ANHX: variants seen among roughly 807,000 people sequenced by gnomAD.
The protein encoded by ANHX is anomalous homeobox.
ANHX carries 20 observed loss-of-function variants against 38.9 expected under a neutral mutation model. The observed-to-expected ratio is 0.51, with a 90% CI of 0.36 to 0.75. ANHX has a LOEUF of 0.75. Among genes scored for constraint, ANHX ranks in the 30% least tolerant of loss-of-function variants. The probability of loss-of-function intolerance (pLI) is 0.00; values close to 1 mark genes in which losing one functional copy is unlikely to be tolerated. For missense variants in ANHX, 475 were observed against 493.1 expected (o/e 0.96, Z 0.35); for synonymous variants, 185 against 203.1 (o/e 0.91, Z 0.76).
intron 4 of ANHX, 25 bp downstream of exon 4, chr12:133,227,799 G>C: frequency 6.5e-7 from 1 of 1,535,126 alleles, no homozygotes; most frequent in Admixed American, 2.0e-5. Context: ...GGACCCCCTG[G>C]GTCCTGGGTA....
intron 8 of ANHX, among the ~76,000 whole-genome samples, chr12:133,220,137 C>T (rs1161658152): frequency 6.6e-6 from 1 of 152,146 alleles, no homozygotes; most frequent in African/African-American, 2.4e-5. Flanking sequence ...ACCTTCATCA[C>T]GGTGGTGGCC....
chr12:133,226,682 G>A (rs968410159), intron 5 of ANHX, among the ~76,000 whole-genome samples: 4 of 152,142 alleles, frequency 2.6e-5, no homozygotes, highest in African/African-American at 4.8e-5. Flanking sequence ...CTGGCCACAC[G>A]ATGCCCTCCT....
rs141778960 is a variant in ANHX at position 133,222,294 on chromosome 12, G to A, written c.1133-942C>T. Among the ~76,000 whole-genome samples, 172 of 152,276 alleles carry A rather than the reference G, an allele frequency of 1.1e-3. 2 individuals carry two copies. Among genetic ancestry groups the A allele is most frequent in the African/African-American group, 3.9e-3 (163 of 41,560 alleles). On this transcript the variant is annotated intron_variant, in intron 7 of 9. Transcript: ENST00000545940. ...AGCCATGAGCACAATGTCCACAGTC[G>A]TGCAGTCAGGACGCAAGTGCAGCCC...
chr12:133,219,023 C>T (rs572531396), intron 9 of ANHX, 52 bp from the exon 10 acceptor site: 1 of 1,468,558 alleles, frequency 6.8e-7, no homozygotes, highest in African/African-American at 1.4e-5. Context: ...AGGCTCAAGA[C>T]CTGCCCTCCC....
At chr12:133,224,962 CAAA>C (rs556045604) in intron 7 of ANHX, among the ~76,000 whole-genome samples, 1 of 87,312 alleles carries the variant, frequency 1.1e-5, no homozygotes. Context: ...GACTCCGTCT[CAAA>C]AAAAAAAAAA....
chr12:133,235,325 C>T (rs559925811), intron 1 of ANHX: 1 of 152,308 alleles, frequency 6.6e-6, no homozygotes, highest in African/African-American at 2.4e-5. Flanking sequence ...GGGTTCCTGC[C>T]ACTTCAGGAA....
In ANHX at chr12:133,227,927, A is replaced by T; in HGVS notation, c.398T>A (p.Leu133His). Reference sequence around the variant, plus strand: ...CCGGCTCTTCAGCCCCTCTGGGCAGAGGGAGGGGGGCGGGGGGTTCCTGGG... The same window carrying T: ...CCGGCTCTTCAGCCCCTCTGGGCAGTGGGAGGGGGGCGGGGGGTTCCTGGG... ...CRKRNPPPPS[L>H]CPEGLKSRNF... Residue 133 changes from leucine (L) to histidine (H), a missense_variant, in exon 4 of 10, where the codon CTC becomes CAC. Coordinates refer to ENST00000545940, the MANE Select transcript of ANHX (RefSeq NM_001372060.1). 4.5e-6 allele frequency: 2 copies of T among 447,706 alleles called. No homozygotes were observed. Among genetic ancestry groups the T allele is most frequent in the Non-Finnish European group, 8.1e-6 (2 of 248,444 alleles). The allele number at this position is 447,706 out of a possible 1,614,324, so 27.7% of individuals were successfully genotyped here.
Position 133,225,725 on chromosome 12 carries a change from T to A in ANHX, c.943A>T (p.Asn315Tyr), listed in dbSNP as rs956071539. 2.0e-5 allele frequency among the ~76,000 whole-genome samples: 3 copies of A among 152,184 alleles called. No homozygotes were observed. The highest frequency in any genetic ancestry group is 2.9e-5 in the Non-Finnish European group (2 of 68,030). ...GPGLCPLAAG[N>Y]DMLNPSLAAP... ...GCCAGAGAGGGGTTCAGCATGTCAT[T>A]GCCAGCAGCCAGAGGGCAGAGGCCA... The change falls in exon 7 of 10, where the codon AAT (asparagine) becomes TAT (tyrosine). Residue 315 changes from asparagine (N) to tyrosine (Y), a missense_variant. By Grantham distance (143) the Asn-to-Tyr change is moderately radical. Transcript: ENST00000545940.
rs988965298 is a variant in ANHX, at chr12:133,231,630, C to T, written c.264G>A (p.Pro88=). Residue 88 remains proline, a synonymous_variant, in exon 3 of 10, where the codon CCG becomes CCA. Transcript: ENST00000545940. ...GCTGCACTAACTCCTGGCTGCCTCCCGGCACCTGGCACCCCTGCCAAGAAG... is the reference window on the plus strand; with the variant it reads ...GCTGCACTAACTCCTGGCTGCCTCCTGGCACCTGGCACCCCTGCCAAGAAG... ...ACRLLEGCQV[P]GGSQELVQLW... The T allele has an allele frequency of 9.1e-6, 14 of 1,535,928 alleles. No individual in the cohort carries two copies. The highest frequency in any genetic ancestry group is 2.4e-5 in the South Asian group (2 of 84,070).
At position 133,218,683 on chromosome 12, in the gene ANHX, C is replaced by T; in HGVS notation, c.*202G>A. The stretch of plus-strand genomic sequence containing the variant: ...TGATCTCACGAACATTTCTCAAATG[C>T]TTTCTCTACTACAGGGAATTGCTAA... On this transcript the variant is annotated 3_prime_UTR_variant, in exon 10 of 10. Transcript: ENST00000545940. 2.3e-6 allele frequency: 1 copy of T among 431,904 alleles called. No individual in the cohort carries two copies. Among genetic ancestry groups the T allele is most frequent in the Non-Finnish European group, 4.1e-6 (1 of 244,440 alleles). The allele number at this position is 431,904 out of a possible 1,614,324, so 26.8% of individuals were successfully genotyped here. A position where few individuals can be genotyped will look rare whatever the true frequency, so the allele number is the denominator to read the frequency against.
At chr12:133,223,052 G>T (rs1957131866) in intron 7 of ANHX, among the ~76,000 whole-genome samples, 1 of 151,934 alleles carries the variant, frequency 6.6e-6, no homozygotes, top group Non-Finnish European at 1.5e-5. Flanking sequence ...TAGCCAGCAT[G>T]GTGAAACATG....
intron 2 of ANHX, among the ~76,000 whole-genome samples, 155 bp downstream of exon 2, chr12:133,233,953 C>T (rs574024738): frequency 1.4e-4 from 22 of 152,208 alleles, no homozygotes; most frequent in Non-Finnish European, 2.4e-4. Context: ...TTACATAAAA[C>T]CTGCCTCCCA....
At chr12:133,230,940 CGAT>C (rs1957264112) in intron 3 of ANHX, among the ~76,000 whole-genome samples, 1 of 152,062 alleles carries the variant, frequency 6.6e-6, no homozygotes, top group Non-Finnish European at 1.5e-5. Context: ...ATAATGGTGG[CGAT>C]GATAAGGACT....
intron 5 of ANHX, 113 bp from the exon 6 acceptor site, chr12:133,226,551 C>T: frequency 7.2e-7 from 1 of 1,394,856 alleles, no homozygotes; most frequent in Non-Finnish European, 9.4e-7. Flanking sequence ...ATGGGGCCAT[C>T]CCAATGTTTT....
intron 7 of ANHX, among the ~76,000 whole-genome samples, 33 bp downstream of exon 7, chr12:133,225,503 C>G (rs964668464): frequency 1.3e-5 from 2 of 152,224 alleles, no homozygotes; most frequent in African/African-American, 4.8e-5. Context: ...GTGTCTGGTG[C>G]TGAAACTCAT....
Position 133,218,607 on chromosome 12 carries a change from A to G in ANHX, c.*278T>C. The G allele has an allele frequency of 3.5e-6, 1 of 282,656 alleles. No individual in the cohort carries two copies. Among genetic ancestry groups the G allele is most frequent in the South Asian group, 1.3e-4 (1 of 7,920 alleles). 17.5% of individuals were successfully genotyped at this position (282,656 alleles called of 1,614,324 possible). A position where few individuals can be genotyped will look rare whatever the true frequency, so the allele number is the denominator to read the frequency against. ...GGCCTTCTCTGCACGAGTGCCCCGG[A>G]GCCCGACTGATCCAGTGCTGCGTGA... On this transcript the variant is annotated 3_prime_UTR_variant, in exon 10 of 10. Coordinates refer to ENST00000545940, the MANE Select transcript of ANHX (RefSeq NM_001372060.1).
At position 133,234,315 on chromosome 12, in the gene ANHX, G is replaced by A. The variant is rs894971881; in HGVS notation, c.42C>T (p.Thr14=). The change falls in exon 2 of 10, where the codon ACC becomes ACT. Residue 14 remains threonine, a synonymous_variant. Coordinates refer to ENST00000545940, the MANE Select transcript of ANHX (RefSeq NM_001372060.1). ...TCACCAGCTCCGCCGGGGGTGCACA[G>A]GTGTCCTCATGCTCCTTCAGCAGAG... ...FLTLLKEHED[T]CAPPAELVTL... is the part of the protein sequence containing the mutation. The A allele has an allele frequency of 1.3e-6, 2 of 1,535,992 alleles. No homozygotes were observed. The highest frequency in any genetic ancestry group is 2.7e-5 in the African/African-American group (2 of 73,044).
chr12:133,220,828 G>A (rs1957099489), intron 8 of ANHX, among the ~76,000 whole-genome samples: 1 of 152,210 alleles, frequency 6.6e-6, no homozygotes, highest in African/African-American at 2.4e-5. Context: ...CACGGACGCT[G>A]TTCAAGACCC....
rs1054340845 is a variant in ANHX, at chr12:133,219,426, A to G, written c.1281-59T>C. ...CTCAAGGGGACACTGGGGTGACAAAATCCACCCAGCTGTGCTTTCTCCCTC... is the reference window on the plus strand; with the variant it reads ...CTCAAGGGGACACTGGGGTGACAAAGTCCACCCAGCTGTGCTTTCTCCCTC... On this transcript the variant is annotated intron_variant, in intron 8 of 9. Coordinates refer to ENST00000545940, the MANE Select transcript of ANHX (RefSeq NM_001372060.1). 28 of 1,194,576 alleles carry G rather than the reference A, an allele frequency of 2.3e-5. No homozygotes were observed. The African/African-American group carries it at 4.3e-4, about 18-fold the overall frequency. The allele number at this position is 1,194,576 out of a possible 1,614,324, so 74.0% of individuals were successfully genotyped here.
Sources: allele counts gnomAD v4.1 joint callset (sites outside exome capture counted in the v4.1 genomes callset), GRCh38; gene constraint gnomAD v4.1.1; transcripts MANE v1.5; gene names NCBI Gene and HGNC (gene_info 2026-07-23, HGNC 2026-07-21).